The following SLBP variants were observed in gnomAD, a reference collection of about 807,000 sequenced individuals.
SLBP encodes the protein histone RNA hairpin-binding protein.
In SLBP, 29 loss-of-function variants were observed where a neutral mutation model predicts 39.2. That is an observed-to-expected ratio of 0.74 (90% confidence interval 0.55 to 1.01). The LOEUF (loss-of-function observed/expected upper bound fraction) is 1.01, where lower values mean the gene tolerates loss of function less well. Ranked by LOEUF, SLBP falls within the 50% of genes least tolerant of loss-of-function variation. The probability of loss-of-function intolerance (pLI) is 0.00; values close to 1 mark genes in which losing one functional copy is unlikely to be tolerated. For missense variants in SLBP, 390 were observed against 350.2 expected, an observed-to-expected ratio of 1.11 and a Z score of -0.91; for synonymous variants, 129 against 118.7, an observed-to-expected ratio of 1.09 and a Z score of -0.57.
At chr4:1,699,333 T>TAG (rs1267541915) in intron 5 of SLBP, among the ~76,000 whole-genome samples, 1 of 152,226 alleles carries the variant, frequency 6.6e-6, no homozygotes, top group African/African-American at 2.4e-5. Context: ...AATAAAATGT[T>TAG]ATCTAACATT....
rs572767360 is a variant in SLBP at position 1,712,026 on chromosome 4, G to A, written c.60-36C>T. 1.7e-5 allele frequency: 21 copies of A among 1,259,180 alleles called. No homozygotes were observed. The South Asian group carries it at 1.9e-4, about 11-fold the overall frequency. The allele number at this position is 1,259,180 out of a possible 1,614,324, so 78.0% of individuals were successfully genotyped here. On this transcript the variant is annotated intron_variant, in intron 1 of 7. Transcript: ENST00000489418. ...GGACGCGGTCGGCTGGGCACGGGAGGTTCGGGACCGCCTTACAACCTCCGC... is the reference window on the plus strand; with the variant it reads ...GGACGCGGTCGGCTGGGCACGGGAGATTCGGGACCGCCTTACAACCTCCGC...
rs145383172 is a variant in SLBP at position 1,705,528 on chromosome 4, G to C, written c.177-1828C>G. On this transcript the variant is annotated intron_variant, in intron 2 of 7. Transcript: ENST00000489418. The stretch of plus-strand genomic sequence containing the variant: ...TCAGATTATCATGGGACTGTCTTTA[G>C]TTCTGAATTATCTGTAAGTCTGAGT... Among the ~76,000 whole-genome samples, 3 of 152,258 alleles carry C rather than the reference G, an allele frequency of 2.0e-5. No individual in the cohort carries two copies. The East Asian group carries it at 5.8e-4, about 29-fold the overall frequency.
intron 2 of SLBP, 131 bp downstream of exon 2, chr4:1,711,743 G>T: frequency 6.9e-6 from 3 of 437,182 alleles, no homozygotes; most frequent in Non-Finnish European, 7.6e-6. Flanking sequence ...GGGCCGCGCG[G>T]AGACCAAGAT....
intron 2 of SLBP, among the ~76,000 whole-genome samples, chr4:1,711,051 TAAAAAAAAAAA>T (rs34503092): frequency 3.3e-5 from 4 of 121,512 alleles, no homozygotes; most frequent in Admixed American, 2.6e-4. Flanking sequence ...ACCCTGTCTT[TAAAAAAAAAAA>T]AAAAAAAAAA....
At position 1,693,730 on chromosome 4, in the gene SLBP, T is replaced by C; in HGVS notation, c.697-17A>G. 6.5e-7 allele frequency: 1 copy of C among 1,527,684 alleles called. No homozygotes were observed. The highest frequency in any genetic ancestry group is 9.1e-7 in the Non-Finnish European group (1 of 1,101,740). 94.6% of individuals were successfully genotyped at this position (1,527,684 alleles called of 1,614,324 possible). ...GTACACATCCTGGAAAACAGAAGCATGGCTCGGTTGACATTCATCTCACCC... is the reference window on the plus strand; with the variant it reads ...GTACACATCCTGGAAAACAGAAGCACGGCTCGGTTGACATTCATCTCACCC... On this transcript the variant is annotated splice_polypyrimidine_tract_variant and intron_variant, in intron 7 of 7. Coordinates refer to ENST00000489418, the MANE Select transcript of SLBP (RefSeq NM_006527.4).
intron 2 of SLBP, among the ~76,000 whole-genome samples, chr4:1,706,693 C>T (rs1427724408): frequency 1.3e-5 from 2 of 152,140 alleles, no homozygotes; most frequent in Admixed American, 6.5e-5. Flanking sequence ...GTAATCCCAG[C>T]TACTAGGGAG....
Position 1,699,697 on chromosome 4 carries a change from C to G in SLBP, c.346G>C (p.Asp116His), listed in dbSNP as rs1482143219. ...RERKSSSGSS[D>H]SKESMSTVPA... ...ACAGTAGACATAGACTCCTTTGAATCAGAACTGAAAAAACAACAGATTAAC... is the reference window on the plus strand; with the variant it reads ...ACAGTAGACATAGACTCCTTTGAATGAGAACTGAAAAAACAACAGATTAAC... Residue 116 changes from aspartate (D) to histidine (H), a missense_variant, in exon 5 of 8, where the codon GAT becomes CAT. Coordinates refer to ENST00000489418, the MANE Select transcript of SLBP (RefSeq NM_006527.4). The G allele has an allele frequency of 6.2e-7, 1 of 1,613,352 alleles. No homozygotes were observed. Among genetic ancestry groups the G allele is most frequent in the African/African-American group, 1.3e-5 (1 of 74,878 alleles).
Position 1,694,824 on chromosome 4 carries a change from C to A in SLBP, c.646G>T (p.Glu216Ter). Residue 216 changes from glutamate to a stop codon, truncating the protein, a stop_gained, in exon 7 of 8, where the codon GAA (glutamate) becomes TAA (stop). Coordinates refer to ENST00000489418, the MANE Select transcript of SLBP (RefSeq NM_006527.4). LOFTEE classifies it high-confidence loss of function. ...GGCTCGGAGCTGCTTTCTGCAGATT[C>A]AAGGTCTACAGGGTGTCTGTTAAAC... ...DLQEIHPVDL[E>*]SAESSSEPQT... is the part of the protein sequence containing the mutation. 1 of 1,613,384 alleles carries A rather than the reference C, an allele frequency of 6.2e-7. No homozygotes were observed. The highest frequency in any genetic ancestry group is 8.5e-7 in the Non-Finnish European group (1 of 1,179,302).
intron 5 of SLBP, among the ~76,000 whole-genome samples, chr4:1,698,091 G>A (rs1280277815): frequency 6.6e-6 from 1 of 151,940 alleles, no homozygotes; most frequent in Non-Finnish European, 1.5e-5. Flanking sequence ...GTTGGGCGTG[G>A]TGGCTCACCC....
intron 2 of SLBP, among the ~76,000 whole-genome samples, chr4:1,709,642 C>T (rs1241397851): frequency 6.8e-6 from 1 of 147,724 alleles, no homozygotes; most frequent in Non-Finnish European, 1.5e-5. Context: ...GACGGAGTCT[C>T]GCTCTATTGC....
chr4:1,706,797 C>T (rs930592079), intron 2 of SLBP, among the ~76,000 whole-genome samples: 2 of 151,880 alleles, frequency 1.3e-5, no homozygotes, highest in African/African-American at 4.8e-5. Flanking sequence ...CACTGCACTC[C>T]AGCCTGGGGG....
rs139482297 is a variant in SLBP, at chr4:1,694,681, G to A, written c.696+93C>T. 4.0e-4 allele frequency: 371 copies of A among 919,154 alleles called. 2 individuals are homozygous for A. The East Asian group carries it at 7.8e-3, about 19-fold the overall frequency. 56.9% of individuals were successfully genotyped at this position (919,154 alleles called of 1,614,324 possible). A position where few individuals can be genotyped will look rare whatever the true frequency, so the allele number is the denominator to read the frequency against. Reference sequence around the variant, plus strand: ...GCTGGGATTACAGGCGTGAGCCACCGTGCCCAGTCCAAACTTCAGTTTATA... The same window carrying A: ...GCTGGGATTACAGGCGTGAGCCACCATGCCCAGTCCAAACTTCAGTTTATA... On this transcript the variant is annotated intron_variant, in intron 7 of 7. Coordinates refer to ENST00000489418, the MANE Select transcript of SLBP (RefSeq NM_006527.4).
At chr4:1,708,425 TA>T (rs1302586128) in intron 2 of SLBP, among the ~76,000 whole-genome samples, 2 of 152,222 alleles carry the variant, frequency 1.3e-5, no homozygotes, top group African/African-American at 4.8e-5. Context: ...ATTGGATTTC[TA>T]AAAGTAAATT....
chr4:1,696,759 G>A (rs1364985991), intron 5 of SLBP, among the ~76,000 whole-genome samples: 3 of 151,796 alleles, frequency 2.0e-5, no homozygotes, highest in Non-Finnish European at 2.9e-5. Flanking sequence ...TTAGCCGGGC[G>A]TGGTGGCCTG....
chr4:1,695,095 CAG>C (rs1716058353), intron 6 of SLBP, among the ~76,000 whole-genome samples: 1 of 152,186 alleles, frequency 6.6e-6, no homozygotes, highest in Non-Finnish European at 1.5e-5. Context: ...TCCTTGGAAA[CAG>C]AAACACTCAT....
At chr4:1,701,881 T>A (rs1716342814) in intron 3 of SLBP, among the ~76,000 whole-genome samples, 1 of 152,108 alleles carries the variant, frequency 6.6e-6, no homozygotes, top group African/African-American at 2.4e-5. Flanking sequence ...CACTCCAGCC[T>A]GGGAAACAGA....
chr4:1,699,965 T>G, intron 4 of SLBP, 46 bp downstream of exon 4: 1 of 1,358,188 alleles, frequency 7.4e-7, no homozygotes, highest in Non-Finnish European at 1.0e-6. Context: ...TTTTAACAAA[T>G]TACAGGTCTA....
At position 1,692,827 on chromosome 4, in the gene SLBP, A is replaced by G. The variant is rs1478386547; in HGVS notation, c.*770T>C. The G allele has an allele frequency of 6.6e-6, 1 of 152,598 alleles. No homozygotes were observed. Among genetic ancestry groups the G allele is most frequent in the Non-Finnish European group, 1.5e-5 (1 of 68,032 alleles). 9.5% of individuals were successfully genotyped at this position (152,598 alleles called of 1,614,324 possible). On this transcript the variant is annotated 3_prime_UTR_variant, in exon 8 of 8. Transcript: ENST00000489418. ...GGGTTCTTTCCTTTTTATTTTTGCA[A>G]TATCCCATACAAAAGCAATAGAAAC... is the stretch of plus-strand genomic sequence containing the variant.
At chr4:1,706,941 C>A (rs1048124863) in intron 2 of SLBP, among the ~76,000 whole-genome samples, 1 of 149,478 alleles carries the variant, frequency 6.7e-6, no homozygotes, top group Non-Finnish European at 1.5e-5. Context: ...AAGACCAGGC[C>A]GGGCGCAGTG....
Sources: gnomAD v4.1 joint callset for allele counts (sites outside exome capture counted in the v4.1 genomes callset) on GRCh38, gnomAD v4.1.1 for gene constraint, MANE v1.5 for transcripts, NCBI Gene and HGNC (gene_info 2026-07-23, HGNC 2026-07-21) for gene names.